The following CCDC148 variants were observed in gnomAD, a reference collection of about 807,000 sequenced individuals.
The protein encoded by CCDC148 is coiled-coil domain containing 148.
CCDC148 carries 89 observed loss-of-function variants against 85.7 expected under a neutral mutation model. The ratio of observed to expected loss-of-function variants is 1.04; its 90% CI spans 0.87 to 1.24. The LOEUF (loss-of-function observed/expected upper bound fraction) is 1.24, where lower values mean the gene tolerates loss of function less well. CCDC148 is among the 50% of genes most tolerant of loss of function. The pLI, the probability that CCDC148 is intolerant of heterozygous loss-of-function variation, is 0.00. For synonymous variants in CCDC148, 230 were observed against 213.9 expected (o/e 1.08, Z -0.66); for missense variants, 692 against 671.7 (o/e 1.03, Z -0.33).
At chr2:158,404,910 T>C (rs1685935481) in intron 1 of CCDC148, among the ~76,000 whole-genome samples, 1 of 152,160 alleles carries the variant, frequency 6.6e-6, no homozygotes, top group Non-Finnish European at 1.5e-5. Flanking sequence ...CCTGTTAATT[T>C]TGATAACTTT....
At chr2:158,272,175 G>C (rs926249517) in intron 9 of CCDC148, among the ~76,000 whole-genome samples, 3 of 152,142 alleles carry the variant, frequency 2.0e-5, no homozygotes, top group Non-Finnish European at 4.4e-5. Flanking sequence ...GGTTTCATAA[G>C]AAGATTTATA....
At chr2:158,207,256 T>C (rs1330694665) in intron 11 of CCDC148, among the ~76,000 whole-genome samples, 1 of 152,194 alleles carries the variant, frequency 6.6e-6, no homozygotes, top group Non-Finnish European at 1.5e-5. Flanking sequence ...AGACGACAGA[T>C]AGCCAATTGA....
chr2:158,362,383 C>T (rs760291962), intron 1 of CCDC148, among the ~76,000 whole-genome samples: 6 of 152,180 alleles, frequency 3.9e-5, no homozygotes, highest in Non-Finnish European at 8.8e-5. Flanking sequence ...TTCTCAGCAC[C>T]ACATCGCACT....
At chr2:158,412,899 T>G (rs562326261) in intron 1 of CCDC148, among the ~76,000 whole-genome samples, 1 of 149,918 alleles carries the variant, frequency 6.7e-6, no homozygotes. Flanking sequence ...ATGTGCACAA[T>G]GTGCAGGTTA....
chr2:158,290,976 T>C lies in CCDC148; in HGVS notation c.1110+18457A>G, dbSNP rs188019314. Among the ~76,000 whole-genome samples, 11 of 152,174 alleles carry C rather than the reference T, an allele frequency of 7.2e-5. No homozygotes were observed. In the East Asian group the frequency reaches 2.1e-3, roughly 29 times the overall value. ...CCCTCTACTCCTTTATCTCCACCTC[T>C]ATCACCATCACTCTAGTTCAGACTA... On this transcript the variant is annotated intron_variant, in intron 9 of 13. Coordinates refer to ENST00000283233, the MANE Select transcript of CCDC148 (RefSeq NM_138803.4).
chr2:158,429,404 G>GATA (rs397761793), intron 1 of CCDC148, among the ~76,000 whole-genome samples: 6 of 151,100 alleles, frequency 4.0e-5, no homozygotes, highest in Non-Finnish European at 8.9e-5. Context: ...TAGATAGATA[G>GATA]GAATACTTAG....
intron 11 of CCDC148, among the ~76,000 whole-genome samples, chr2:158,207,256 T>G (rs1330694665): frequency 1.3e-5 from 2 of 152,194 alleles, no homozygotes; most frequent in Non-Finnish European, 2.9e-5. Context: ...AGACGACAGA[T>G]AGCCAATTGA....
At chr2:158,190,454 A>C (rs1201764893) in intron 11 of CCDC148, among the ~76,000 whole-genome samples, 1 of 151,962 alleles carries the variant, frequency 6.6e-6, no homozygotes, top group Non-Finnish European at 1.5e-5. Flanking sequence ...AGCAATTAGA[A>C]ACACCTATCA....
At chr2:158,316,166 A>G (rs1359952789) in intron 7 of CCDC148, among the ~76,000 whole-genome samples, 3 of 152,216 alleles carry the variant, frequency 2.0e-5, no homozygotes, top group Non-Finnish European at 4.4e-5. Flanking sequence ...AATTTCTTTG[A>G]TGATATCTCA....
intron 1 of CCDC148, among the ~76,000 whole-genome samples, chr2:158,408,233 T>C (rs915064081): frequency 6.6e-6 from 1 of 152,180 alleles, no homozygotes; most frequent in East Asian, 1.9e-4. Flanking sequence ...TTTTCTTTTC[T>C]GTGGTGAGAA....
chr2:158,258,779 C>A (rs1312633962), intron 9 of CCDC148, among the ~76,000 whole-genome samples: 1 of 151,830 alleles, frequency 6.6e-6, no homozygotes, highest in Non-Finnish European at 1.5e-5. Flanking sequence ...TCTACTGAGG[C>A]CAGACTCAGC....
intron 1 of CCDC148, among the ~76,000 whole-genome samples, chr2:158,446,793 G>T (rs535158090): frequency 3.5e-4 from 53 of 152,148 alleles, no homozygotes; most frequent in Non-Finnish European, 1.6e-4. Context: ...CCAGTCTAAG[G>T]TAATCACTGA....
At chr2:158,250,701 C>A in intron 10 of CCDC148, 71 bp downstream of exon 10, 2 of 1,448,022 alleles carry the variant, frequency 1.4e-6, no homozygotes, top group South Asian at 1.5e-5. Context: ...ATGCCAAACA[C>A]CAAGACCAAA....
chr2:158,327,018 T>C (rs1574626424), intron 7 of CCDC148, among the ~76,000 whole-genome samples: 1 of 152,306 alleles, frequency 6.6e-6, no homozygotes, highest in East Asian at 1.9e-4. Context: ...ATCTGCAAAA[T>C]AATATATTCT....
intron 7 of CCDC148, among the ~76,000 whole-genome samples, chr2:158,333,461 T>C (rs987140036): frequency 6.6e-6 from 1 of 152,158 alleles, no homozygotes; most frequent in African/African-American, 2.4e-5. Flanking sequence ...TTAGAATAAG[T>C]ACGATGAGAT....
At chr2:158,393,885 A>G (rs1188552070) in intron 1 of CCDC148, among the ~76,000 whole-genome samples, 2 of 152,170 alleles carry the variant, frequency 1.3e-5, no homozygotes, top group Non-Finnish European at 2.9e-5. Flanking sequence ...GCCTTTCCTT[A>G]TACCAGATAT....
At chr2:158,225,413 A>G (rs948227547) in intron 10 of CCDC148, among the ~76,000 whole-genome samples, 1 of 152,130 alleles carries the variant, frequency 6.6e-6, no homozygotes, top group African/African-American at 2.4e-5. Flanking sequence ...GAAAGTTAAC[A>G]AGGATATCCA....
At chr2:158,417,503 G>A (rs1180558946) in intron 1 of CCDC148, among the ~76,000 whole-genome samples, 1 of 152,184 alleles carries the variant, frequency 6.6e-6, no homozygotes, top group Non-Finnish European at 1.5e-5. Flanking sequence ...AATATAGGAT[G>A]CTTCCAATAA....
intron 11 of CCDC148, among the ~76,000 whole-genome samples, chr2:158,184,752 A>G (rs141885665): frequency 7.6e-4 from 116 of 152,246 alleles, no homozygotes; most frequent in African/African-American, 2.5e-3. Flanking sequence ...GCAGCCTGGG[A>G]TGAGAACCAA....
Sources: allele counts gnomAD v4.1 joint callset (sites outside exome capture counted in the v4.1 genomes callset), GRCh38; gene constraint gnomAD v4.1.1; transcripts MANE v1.5; gene names NCBI Gene and HGNC (gene_info 2026-07-23, HGNC 2026-07-21).